The following MAPK8 variants were observed in gnomAD, a reference collection of about 807,000 sequenced individuals.
The protein encoded by MAPK8 is mitogen-activated protein kinase 8.
In MAPK8, 13 loss-of-function variants were observed where a neutral mutation model predicts 52.9. That is an observed-to-expected ratio of 0.25 (90% CI 0.16 to 0.39). The LOEUF (loss-of-function observed/expected upper bound fraction) is 0.39. MAPK8 is among the 10% of genes least tolerant of loss of function. The pLI is 1.00. For synonymous variants in MAPK8, 191 were observed against 169.8 expected, an observed-to-expected ratio of 1.12 and a Z score of -0.97; for missense variants, 300 against 519.2, an observed-to-expected ratio of 0.58 and a Z score of 4.10.
intron 1 of MAPK8, among the ~76,000 whole-genome samples, chr10:48,397,200 A>G (rs149475753): frequency 1.3e-5 from 2 of 151,586 alleles, no homozygotes; most frequent in Non-Finnish European, 2.9e-5. Context: ...CCAGGATAGC[A>G]TGCAGTAGTG....
chr10:48,379,285 A>G (rs1253061201), intron 1 of MAPK8, among the ~76,000 whole-genome samples: 1 of 152,226 alleles, frequency 6.6e-6, no homozygotes, highest in Non-Finnish European at 1.5e-5. Context: ...GGAACAGTAT[A>G]GACAACTTAT....
In MAPK8 at chr10:48,438,794, C is replaced by CT. The variant is rs2045063929; in HGVS notation, c.*3768dup. The CT allele has an allele frequency of 6.6e-6, 1 of 152,106 alleles. No homozygotes were observed. Among genetic ancestry groups the CT allele is most frequent in the Admixed American group, 6.5e-5 (1 of 15,282 alleles). 9.4% of individuals were successfully genotyped at this position (152,106 alleles called of 1,614,324 possible). A position where few individuals can be genotyped will look rare whatever the true frequency, so the allele number is the denominator to read the frequency against. On this transcript the variant is annotated 3_prime_UTR_variant, in exon 12 of 12. Coordinates refer to ENST00000374189, the MANE Select transcript of MAPK8 (RefSeq NM_001323329.2). ...CATCAGTAAGAGACACGTGTAAAAT[C>CT]TTTGACTGTATGTCTTGCAAAATTG...
At chr10:48,393,727 T>C (rs570464038) in intron 1 of MAPK8, among the ~76,000 whole-genome samples, 37 of 152,168 alleles carry the variant, frequency 2.4e-4, no homozygotes, top group Middle Eastern at 3.4e-3. Context: ...TAAATGCTTA[T>C]ATTATAAAAA....
intron 5 of MAPK8, among the ~76,000 whole-genome samples, chr10:48,418,423 A>C (rs1175077670): frequency 6.6e-6 from 1 of 152,148 alleles, no homozygotes; most frequent in African/African-American, 2.4e-5. Context: ...TGTGTGGTGC[A>C]GATCATGGTG....
At chr10:48,411,461 C>T (rs904896603) in intron 5 of MAPK8, among the ~76,000 whole-genome samples, 6 of 152,222 alleles carry the variant, frequency 3.9e-5, no homozygotes, top group Non-Finnish European at 8.8e-5. Context: ...AGTTCTGTTT[C>T]ACATAGCTCC....
chr10:48,330,848 A>G (rs1295307688), intron 1 of MAPK8, among the ~76,000 whole-genome samples: 1 of 152,038 alleles, frequency 6.6e-6, no homozygotes, highest in Non-Finnish European at 1.5e-5. Context: ...CTTCCCTTTT[A>G]TGGGCTGACC....
chr10:48,318,598 T>C (rs1428707868), intron 1 of MAPK8, among the ~76,000 whole-genome samples: 1 of 152,200 alleles, frequency 6.6e-6, no homozygotes, highest in Non-Finnish European at 1.5e-5. Flanking sequence ...TTATTGACAT[T>C]AATAATGCTC....
At chr10:48,346,798 A>G (rs968139858) in intron 1 of MAPK8, among the ~76,000 whole-genome samples, 7 of 152,124 alleles carry the variant, frequency 4.6e-5, no homozygotes, top group African/African-American at 1.7e-4. Context: ...ATGCAGAAAT[A>G]ATGGCGTAAG....
chr10:48,428,085 C>T (rs760871621), intron 10 of MAPK8, among the ~76,000 whole-genome samples: 11 of 152,156 alleles, frequency 7.2e-5, no homozygotes, highest in Non-Finnish European at 1.6e-4. Context: ...TGTACACTTC[C>T]GTCCATGTTA....
At chr10:48,394,705 T>C (rs2041804559) in intron 1 of MAPK8, among the ~76,000 whole-genome samples, 1 of 151,892 alleles carries the variant, frequency 6.6e-6, no homozygotes, top group South Asian at 2.1e-4. Context: ...CTATTCGGCA[T>C]TGTATGGAAA....
chr10:48,347,032 T>C (rs1301665507), intron 1 of MAPK8, among the ~76,000 whole-genome samples: 1 of 152,184 alleles, frequency 6.6e-6, no homozygotes, highest in East Asian at 1.9e-4. Flanking sequence ...TTGGTGGTAG[T>C]GGTCCCCCGG....
intron 1 of MAPK8, among the ~76,000 whole-genome samples, chr10:48,397,527 G>A (rs2132925291): frequency 6.6e-6 from 1 of 152,278 alleles, no homozygotes; most frequent in Middle Eastern, 3.4e-3. Flanking sequence ...AGACTTGGGA[G>A]GAGTATGTGA....
intron 1 of MAPK8, among the ~76,000 whole-genome samples, chr10:48,379,112 C>G (rs2040839647): frequency 6.6e-6 from 1 of 152,204 alleles, no homozygotes; most frequent in African/African-American, 2.4e-5. Flanking sequence ...GGAAACTTCT[C>G]AAGTCTAAGA....
chr10:48,362,740 T>G (rs1272633988), intron 1 of MAPK8, among the ~76,000 whole-genome samples: 1 of 140,358 alleles, frequency 7.1e-6, no homozygotes, highest in African/African-American at 2.6e-5. Context: ...TTTATTAGTT[T>G]TTTTTTTTTT....
At chr10:48,369,901 T>C (rs1263557247) in intron 1 of MAPK8, among the ~76,000 whole-genome samples, 1 of 152,078 alleles carries the variant, frequency 6.6e-6, no homozygotes, top group Non-Finnish European at 1.5e-5. Context: ...TTAATGGGAT[T>C]GGTGAATATG....
chr10:48,341,587 A>AT (rs1845268148), intron 1 of MAPK8, among the ~76,000 whole-genome samples: 1 of 152,244 alleles, frequency 6.6e-6, no homozygotes, highest in Non-Finnish European at 1.5e-5. Flanking sequence ...CAATTGGTAA[A>AT]TACTGTTTGG....
chr10:48,357,755 G>C (rs1236298188), intron 1 of MAPK8, among the ~76,000 whole-genome samples: 1 of 152,044 alleles, frequency 6.6e-6, no homozygotes, highest in African/African-American at 2.4e-5. Context: ...TTTATTATTT[G>C]TTTAGTACAT....
chr10:48,360,779 A>G (rs2132526361), intron 1 of MAPK8, among the ~76,000 whole-genome samples: 1 of 152,322 alleles, frequency 6.6e-6, no homozygotes, highest in South Asian at 2.1e-4. Context: ...ACTGGGATAA[A>G]TACTTAGATT....
chr10:48,331,242 A>G (rs374862971), intron 1 of MAPK8, among the ~76,000 whole-genome samples: 2 of 152,268 alleles, frequency 1.3e-5, no homozygotes, highest in East Asian at 3.9e-4. Flanking sequence ...CCAAATTCCC[A>G]CAAGGTAAGA....
Sources: allele counts gnomAD v4.1 joint callset (sites outside exome capture counted in the v4.1 genomes callset), GRCh38; gene constraint gnomAD v4.1.1; transcripts MANE v1.5; gene names NCBI Gene and HGNC (gene_info 2026-07-23, HGNC 2026-07-21).